The following EIF4G3 variants were observed in gnomAD, a reference collection of about 807,000 sequenced individuals.
EIF4G3 encodes eIF-4-gamma 3.
In EIF4G3, 34 loss-of-function variants were observed where a neutral mutation model predicts 186.4. That is an observed-to-expected ratio of 0.18 (90% CI 0.14 to 0.24). The LOEUF is 0.24. EIF4G3 is among the 10% of genes least tolerant of loss of function. The probability of loss-of-function intolerance (pLI) is 1.00; values close to 1 mark genes in which losing one functional copy is unlikely to be tolerated. For missense variants in EIF4G3, 1,536 were observed against 1,948.5 expected (o/e 0.79, Z 3.99); for synonymous variants, 673 against 679.5 (o/e 0.99, Z 0.15).
rs59291288 is a variant in EIF4G3, at chr1:21,125,771, TACACAC to T, written c.-271-36564_-271-36559del. Reference sequence around the variant, plus strand: ...TATATATAATTTTTTTATATATATATACACACACACACACACACACACACACACACA... The same window carrying T: ...TATATATAATTTTTTTATATATATATACACACACACACACACACACACACA... On this transcript the variant is annotated intron_variant, in intron 2 of 36. Transcript: ENST00000602326. Among the ~76,000 whole-genome samples the T allele has an allele frequency of 9.3e-3, 1,359 of 146,170 alleles. 14 individuals are homozygous for T. The highest frequency in any genetic ancestry group is 0.022 in the East Asian group (112 of 5,086).
chr1:21,118,369 T>C (rs1297751547), intron 2 of EIF4G3, among the ~76,000 whole-genome samples: 3 of 152,196 alleles, frequency 2.0e-5, no homozygotes, highest in Non-Finnish European at 2.9e-5. Context: ...ACTGTCATAG[T>C]TTAATTAGCT....
chr1:20,857,866 T>C (rs1404171251), intron 24 of EIF4G3, among the ~76,000 whole-genome samples: 1 of 152,240 alleles, frequency 6.6e-6, no homozygotes, highest in Non-Finnish European at 1.5e-5. Context: ...CTAAAGTATA[T>C]TGTATTTAAT....
intron 4 of EIF4G3, among the ~76,000 whole-genome samples, chr1:21,037,256 A>G (rs1046137936): frequency 4.0e-5 from 6 of 150,866 alleles, no homozygotes; most frequent in Non-Finnish European, 5.9e-5. Context: ...AAAAAAAGCT[A>G]TTGCGCCAAA....
chr1:20,931,390 A>T (rs551666180), intron 14 of EIF4G3, among the ~76,000 whole-genome samples: 1 of 152,214 alleles, frequency 6.6e-6, no homozygotes, highest in Non-Finnish European at 1.5e-5. Context: ...CAGTAGGCTT[A>T]TAAGAGTCGG....
At chr1:21,076,657 T>G (rs925996646) in intron 3 of EIF4G3, among the ~76,000 whole-genome samples, 3 of 152,132 alleles carry the variant, frequency 2.0e-5, no homozygotes, top group East Asian at 3.8e-4. Context: ...AGCCAATTCA[T>G]TTTTTTAAGG....
chr1:21,015,858 T>C (rs2088846054), intron 4 of EIF4G3, among the ~76,000 whole-genome samples: 1 of 151,008 alleles, frequency 6.6e-6, no homozygotes. Context: ...TTTAAATTAA[T>C]GAAATTAATA....
intron 2 of EIF4G3, among the ~76,000 whole-genome samples, chr1:21,121,497 G>A (rs980487776): frequency 1.8e-4 from 27 of 152,080 alleles, no homozygotes; most frequent in East Asian, 7.7e-4. Flanking sequence ...CCACCTAGCC[G>A]GGCACAGTGG....
At chr1:21,111,428 T>C (rs2096724123) in intron 2 of EIF4G3, 1 of 468,334 alleles carries the variant, frequency 2.1e-6, no homozygotes, top group Admixed American at 2.4e-5. Flanking sequence ...GCTTAGCACA[T>C]ACTAAGCAGT....
chr1:20,997,580 G>A lies in EIF4G3; in HGVS notation c.177+21C>T, dbSNP rs766548489. ...CCATCTATTAGTTAAGGGTGATAGT[G>A]AAGGGGCAAGGGTACAGTACCTGAT... is the stretch of plus-strand genomic sequence containing the variant. On this transcript the variant is annotated intron_variant, in intron 7 of 36. Transcript: ENST00000602326. 32 of 1,549,560 alleles carry A rather than the reference G, an allele frequency of 2.1e-5. No individual in the cohort carries two copies. In the South Asian group the frequency reaches 3.0e-4, roughly 14 times the overall value.
At chr1:21,104,891 T>C (rs564817335) in intron 2 of EIF4G3, among the ~76,000 whole-genome samples, 1 of 150,484 alleles carries the variant, frequency 6.6e-6, no homozygotes, top group Non-Finnish European at 1.5e-5. Flanking sequence ...AAAAAAAAAA[T>C]GAGATCATGT....
chr1:20,904,012 A>T (rs1460330797), intron 15 of EIF4G3, among the ~76,000 whole-genome samples: 1 of 152,234 alleles, frequency 6.6e-6, no homozygotes, highest in Non-Finnish European at 1.5e-5. Flanking sequence ...GAGATTACAG[A>T]CAAGGAAATT....
In EIF4G3 at chr1:21,154,805, T is replaced by C. The variant is rs2097612371; in HGVS notation, c.-272+21370A>G. 3.3e-5 allele frequency among the ~76,000 whole-genome samples: 5 copies of C among 152,224 alleles called. No homozygotes were observed. The South Asian group carries it at 1.0e-3, about 31-fold the overall frequency. ...TCTATATATCTCTTTAGCAGTATGA[T>C]AAAAGATGTCCTACATTTTGATGAG... is the stretch of plus-strand genomic sequence containing the variant. On this transcript the variant is annotated intron_variant, in intron 2 of 36. Transcript: ENST00000602326.
At chr1:21,169,449 C>G (rs184820892) in intron 2 of EIF4G3, among the ~76,000 whole-genome samples, 7 of 151,530 alleles carry the variant, frequency 4.6e-5, no homozygotes, top group East Asian at 1.9e-4. Context: ...CTCTCTCCCC[C>G]CAAAAAAATA....
chr1:20,834,181 G>C (rs2066079745), intron 30 of EIF4G3, among the ~76,000 whole-genome samples: 1 of 152,150 alleles, frequency 6.6e-6, no homozygotes, highest in Non-Finnish European at 1.5e-5. Context: ...AGGCGCAATG[G>C]CTCATGCCTG....
rs2087645147 is a variant in EIF4G3, at chr1:20,895,507, A to G, written c.2000-6T>C. 6.2e-7 allele frequency: 1 copy of G among 1,613,510 alleles called. No individual in the cohort carries two copies. Among genetic ancestry groups the G allele is most frequent in the Non-Finnish European group, 8.5e-7 (1 of 1,179,746 alleles). On this transcript the variant is annotated splice_polypyrimidine_tract_variant and splice_region_variant and intron_variant, in intron 16 of 36. Transcript: ENST00000602326. The stretch of plus-strand genomic sequence containing the variant: ...ATCAGTAGGCTTCCAGGATTCTAGA[A>G]AGAGGAATATAGGCAGACACTGTTT...
chr1:20,958,243 CAT>C (rs2154564323), intron 12 of EIF4G3, among the ~76,000 whole-genome samples: 1 of 152,160 alleles, frequency 6.6e-6, no homozygotes, highest in South Asian at 2.1e-4. Context: ...GATGGTTTAA[CAT>C]ATGTAAGTCA....
rs113257622 is a variant in EIF4G3 at position 21,083,330 on chromosome 1, A to T, written c.-196+5808T>A. Among the ~76,000 whole-genome samples the T allele has an allele frequency of 3.7e-3, 561 of 152,256 alleles. 5 individuals are homozygous for T. The highest frequency in any genetic ancestry group is 0.012 in the African/African-American group (515 of 41,544). ...CTTTCTTCCAGAATAGGCATAAAAC[A>T]TAATATATACACAAACACATTTTTT... On this transcript the variant is annotated intron_variant, in intron 3 of 36. Coordinates refer to ENST00000602326, the MANE Select transcript of EIF4G3 (RefSeq NM_001391906.1).
chr1:21,028,842 T>C (rs1050066913), intron 4 of EIF4G3, among the ~76,000 whole-genome samples: 4 of 152,232 alleles, frequency 2.6e-5, no homozygotes, highest in African/African-American at 9.6e-5. Context: ...AGCTAAGTTG[T>C]AGCTATATTA....
intron 7 of EIF4G3, among the ~76,000 whole-genome samples, chr1:20,996,121 ACTAATT>A (rs1397578229): frequency 6.6e-6 from 1 of 152,214 alleles, no homozygotes; most frequent in African/African-American, 2.4e-5. Flanking sequence ...TAGTAGTAAT[ACTAATT>A]CTATGTCCTA....
Sources: gnomAD v4.1 joint callset for allele counts (sites outside exome capture counted in the v4.1 genomes callset) on GRCh38, gnomAD v4.1.1 for gene constraint, MANE v1.5 for transcripts, NCBI Gene and HGNC (gene_info 2026-07-23, HGNC 2026-07-21) for gene names.